The following MAP4 variants were observed in gnomAD, a reference collection of about 807,000 sequenced individuals.
MAP4 encodes microtubule associated protein 4.
Under a neutral mutation model 170.2 loss-of-function variants are expected in MAP4, and 76 were observed. The observed-to-expected ratio is 0.45, with a 90% CI of 0.37 to 0.54. MAP4 has a LOEUF of 0.54. Ranked by LOEUF, MAP4 falls within the 20% of genes least tolerant of loss-of-function variation. The probability of loss-of-function intolerance (pLI) is 0.00; values close to 1 mark genes in which losing one functional copy is unlikely to be tolerated. For synonymous variants in MAP4, 909 were observed against 994.5 expected (o/e 0.91, Z 1.62); for missense variants, 2,506 against 2,748.0 (o/e 0.91, Z 1.97).
intron 17 of MAP4, among the ~76,000 whole-genome samples, chr3:47,864,771 G>A (rs1576749363): frequency 6.6e-6 from 1 of 152,226 alleles, no homozygotes; most frequent in African/African-American, 2.4e-5. Context: ...GGAAGCTGAC[G>A]AAGGAGAATC....
intron 1 of MAP4, among the ~76,000 whole-genome samples, chr3:48,051,185 G>C (rs1319668662): frequency 2.0e-5 from 3 of 151,662 alleles, no homozygotes; most frequent in Non-Finnish European, 4.4e-5. Context: ...GGCCAAGGTG[G>C]ATGGATCATC....
At chr3:47,888,284 C>G (rs1473479725) in intron 10 of MAP4, among the ~76,000 whole-genome samples, 1 of 152,154 alleles carries the variant, frequency 6.6e-6, no homozygotes, top group Non-Finnish European at 1.5e-5. Context: ...CACTGGTAAC[C>G]CGCTCGGGTC....
At chr3:47,862,538 C>A (rs554397773) in intron 17 of MAP4, among the ~76,000 whole-genome samples, 1 of 151,782 alleles carries the variant, frequency 6.6e-6, no homozygotes, top group African/African-American at 2.4e-5. Context: ...AGTGCAGTGG[C>A]GTGATCTTGC....
At chr3:47,924,872 G>A (rs963020434) in intron 4 of MAP4, among the ~76,000 whole-genome samples, 6 of 151,730 alleles carry the variant, frequency 4.0e-5, no homozygotes, top group African/African-American at 9.7e-5. Context: ...GTGCAGTGGC[G>A]TGATCTCAGC....
chr3:47,896,403 C>T (rs375453676), intron 10 of MAP4, among the ~76,000 whole-genome samples: 2 of 152,254 alleles, frequency 1.3e-5, no homozygotes, highest in Non-Finnish European at 2.9e-5. Context: ...GTGGCACATG[C>T]CTGTAATCCC....
At chr3:47,991,906 G>T (rs1218496902) in intron 2 of MAP4, among the ~76,000 whole-genome samples, 1 of 151,714 alleles carries the variant, frequency 6.6e-6, no homozygotes, top group Non-Finnish European at 1.5e-5. Context: ...CCTGACCTCA[G>T]GTGATCCACC....
intron 1 of MAP4, among the ~76,000 whole-genome samples, chr3:48,077,393 C>G (rs2100144470): frequency 6.7e-6 from 1 of 150,072 alleles, no homozygotes; most frequent in South Asian, 2.1e-4. Context: ...TTGCCATGAG[C>G]TGAGATCGTG....
rs1197107937 is a variant in MAP4, at chr3:47,853,368, G to A, written c.6697-16C>T. 3.8e-6 allele frequency: 6 copies of A among 1,583,906 alleles called. No individual in the cohort carries two copies. Among genetic ancestry groups the A allele is most frequent in the Admixed American group, 1.8e-5 (1 of 56,078 alleles). ...CGCCCTCAGTCTACAATGAAACAGTGGGGGAGACAGTGCAGGGTCAGTCGA... is the reference window on the plus strand; with the variant it reads ...CGCCCTCAGTCTACAATGAAACAGTAGGGGAGACAGTGCAGGGTCAGTCGA... On this transcript the variant is annotated splice_polypyrimidine_tract_variant and intron_variant, in intron 19 of 20. Coordinates refer to ENST00000683076, the MANE Select transcript of MAP4 (RefSeq NM_001385682.1).
At chr3:47,888,062 G>C (rs890217467) in intron 10 of MAP4, among the ~76,000 whole-genome samples, 3 of 152,172 alleles carry the variant, frequency 2.0e-5, no homozygotes, top group African/African-American at 7.2e-5. Context: ...TCGACACTCT[G>C]TATCTAGCTG....
intron 1 of MAP4, among the ~76,000 whole-genome samples, chr3:48,055,372 G>T (rs1209076637): frequency 6.6e-6 from 1 of 152,062 alleles, no homozygotes; most frequent in African/African-American, 2.4e-5. Context: ...GCGCCGCCAC[G>T]CCTGATTGGT....
At chr3:47,953,998 A>G in intron 3 of MAP4, among the ~76,000 whole-genome samples, 1 of 151,570 alleles carries the variant, frequency 6.6e-6, no homozygotes, top group East Asian at 1.9e-4. Context: ...TGGGTGACAG[A>G]GTGAGACTCT....
chr3:47,891,495 G>T (rs1415706237), intron 10 of MAP4: 1 of 1,515,276 alleles, frequency 6.6e-7, no homozygotes, highest in Non-Finnish European at 8.8e-7. Context: ...GGGGGAGGCA[G>T]CAGGCCAGAA....
chr3:47,914,857 T>A lies in MAP4; in HGVS notation c.1959A>T (p.Pro653=). The A allele has an allele frequency of 6.2e-7, 1 of 1,614,182 alleles. No individual in the cohort carries two copies. The highest frequency in any genetic ancestry group is 8.5e-7 in the Non-Finnish European group (1 of 1,180,038). ...AAAGCTCAGAAGGTTGACTGTTGCA[T>A]GGTTTCCTTTCCCCTAGTTTTTCTA... ...SVLEKLGERK[P]CNSQPSELSS... Residue 653 remains proline (P), a synonymous_variant, in exon 8 of 21, where the codon CCA becomes CCT. Coordinates refer to ENST00000683076, the MANE Select transcript of MAP4 (RefSeq NM_001385682.1).
intron 17 of MAP4, among the ~76,000 whole-genome samples, chr3:47,857,861 A>G (rs1576625949): frequency 6.6e-6 from 1 of 151,752 alleles, no homozygotes; most frequent in Non-Finnish European, 1.5e-5. Context: ...GGCGTGTACC[A>G]CCACATCTGG....
intron 1 of MAP4, among the ~76,000 whole-genome samples, chr3:48,074,021 C>T (rs1424830698): frequency 4.6e-5 from 7 of 152,048 alleles, no homozygotes; most frequent in Non-Finnish European, 8.8e-5. Flanking sequence ...ATGTTTACTG[C>T]GGCACTATTC....
rs1258883588 is a variant in MAP4 at position 48,060,907 on chromosome 3, C to T, written c.-20+27866G>A. ...TCGCCCAGGCTGGAGGACAGTGGTG[C>T]GATCTCGGCTCACTGCAAGCTCCGT... On this transcript the variant is annotated intron_variant, in intron 1 of 18. Transcript: ENST00000360240. Among the ~76,000 whole-genome samples the T allele has an allele frequency of 2.6e-5, 4 of 151,998 alleles. No individual in the cohort carries two copies. In the South Asian group the frequency reaches 6.3e-4, roughly 24 times the overall value.
intron 1 of MAP4, among the ~76,000 whole-genome samples, chr3:48,034,314 A>T (rs1399948094): frequency 6.6e-6 from 1 of 152,184 alleles, no homozygotes; most frequent in Non-Finnish European, 1.5e-5. Context: ...AGCTGTGATA[A>T]CCCAGGAAAC....
intron 1 of MAP4, among the ~76,000 whole-genome samples, chr3:48,070,970 A>C (rs113404795): frequency 0.012 from 1,877 of 152,172 alleles, 45 homozygotes; most frequent in African/African-American, 0.043. Context: ...GGCTACAGGG[A>C]GCAGTGATCA....
chr3:47,931,936 A>G (rs2100050092), intron 3 of MAP4: 1 of 152,210 alleles, frequency 6.6e-6, no homozygotes, highest in Non-Finnish European at 1.5e-5. Flanking sequence ...TTTAAATAAC[A>G]GTTTTATCGA....
Sources: allele counts gnomAD v4.1 joint callset (sites outside exome capture counted in the v4.1 genomes callset), GRCh38; gene constraint gnomAD v4.1.1; transcripts MANE v1.5; gene names NCBI Gene and HGNC (gene_info 2026-07-23, HGNC 2026-07-21).